The following CCND2 variants were observed in gnomAD, a reference collection of about 807,000 sequenced individuals.
The protein encoded by CCND2 is G1/S-specific cyclin-D2.
Under a neutral mutation model 30.2 loss-of-function variants are expected in CCND2, and 6 were observed. The observed-to-expected ratio is 0.20, with a 90% CI of 0.11 to 0.39. The LOEUF (loss-of-function observed/expected upper bound fraction) is 0.39, where lower values mean the gene tolerates loss of function less well. CCND2 is among the 10% of genes least tolerant of loss of function. CCND2 has a pLI of 1.00. For synonymous variants in CCND2, 150 were observed against 153.1 expected (o/e 0.98, Z 0.15); for missense variants, 235 against 373.4 (o/e 0.63, Z 3.06).
At position 4,296,145 on chromosome 12, in the gene CCND2, T is replaced by A. The variant is rs757004837; in HGVS notation, c.721-3715T>A. ...ACGCGCATGGCCTGAAACCGAGTTCTTTCGCTTTCTGGAGCCTGGTCTCCC... is the reference window on the plus strand; with the variant it reads ...ACGCGCATGGCCTGAAACCGAGTTCATTCGCTTTCTGGAGCCTGGTCTCCC... On this transcript the variant is annotated intron_variant, in intron 4 of 4. Transcript: ENST00000261254. Among the ~76,000 whole-genome samples the A allele has an allele frequency of 5.7e-4, 87 of 152,256 alleles. 1 individual carries two copies. Among genetic ancestry groups the A allele is most frequent in the Non-Finnish European group, 1.5e-4 (10 of 68,042 alleles).
At chr12:4,292,421 T>C (rs1052087429) in intron 4 of CCND2, among the ~76,000 whole-genome samples, 1 of 152,124 alleles carries the variant, frequency 6.6e-6, no homozygotes, top group South Asian at 2.1e-4. Context: ...TGCAATGCTC[T>C]CTGTTACTTT....
rs2120550189 is a variant in CCND2 at position 4,285,094 on chromosome 12, C to T, written c.572-3748C>T. Among the ~76,000 whole-genome samples the T allele has an allele frequency of 6.6e-6, 1 of 152,296 alleles. No individual in the cohort carries two copies. The highest frequency in any genetic ancestry group is 1.9e-4 in the East Asian group (1 of 5,186). ...GAAGTTATCCATATAGTAGTACAGA[C>T]CTAGCCATTATAGCACACCATCCTC... On this transcript the variant is annotated intron_variant, in intron 3 of 4. Transcript: ENST00000261254. This position sits in a 1 kb window ranked among gnomAD's most constrained non-coding sequence, Gnocchi z 4.1.
chr12:4,280,699 C>T (rs552662558), intron 3 of CCND2, among the ~76,000 whole-genome samples: 3 of 152,220 alleles, frequency 2.0e-5, no homozygotes, highest in African/African-American at 7.2e-5. Context: ...GGGGAGGGGT[C>T]AGCCAGTTCT....
chr12:4,277,746 A>G (rs1863893584), intron 2 of CCND2, among the ~76,000 whole-genome samples: 1 of 152,240 alleles, frequency 6.6e-6, no homozygotes. Flanking sequence ...TTGCTGGTTT[A>G]GCAAATGAAA....
Position 4,274,096 on chromosome 12 carries a change from A to G in CCND2, c.56A>G (p.Asn19Ser). The change falls in exon 1 of 5, where the codon AAC (asparagine) becomes AGC (serine). Residue 19 changes from asparagine to serine, a missense_variant. Physicochemically the swap from Asn to Ser is conservative, Grantham distance 46. This residue lies in a region of CCND2 where 178 missense variants were observed against 322.8 expected (regional missense o/e 0.55). Coordinates refer to ENST00000261254, the MANE Select transcript of CCND2 (RefSeq NM_001759.4). This position sits in a 1 kb window ranked among gnomAD's most constrained non-coding sequence, Gnocchi z 7.7. ...DPVRRAVRDR[N>S]LLRDDRVLQN... Reference sequence around the variant, plus strand: ...GTCCGCAGGGCCGTGCGGGACCGCAACCTGCTCCGAGACGACCGCGTCCTG... The same window carrying G: ...GTCCGCAGGGCCGTGCGGGACCGCAGCCTGCTCCGAGACGACCGCGTCCTG... 6 of 1,613,862 alleles carry G rather than the reference A, an allele frequency of 3.7e-6. No homozygotes were observed. Among genetic ancestry groups the G allele is most frequent in the Non-Finnish European group, 5.1e-6 (6 of 1,179,936 alleles).
intron 3 of CCND2, among the ~76,000 whole-genome samples, chr12:4,288,585 G>A (rs1012958188): frequency 2.0e-5 from 3 of 152,146 alleles, no homozygotes; most frequent in African/African-American, 2.4e-5. Flanking sequence ...AATCCTCTGT[G>A]CATTCATTGT....
chr12:4,274,437 G>A lies in CCND2; in HGVS notation c.195+202G>A, dbSNP rs559050863. On this transcript the variant is annotated intron_variant, in intron 1 of 4. Coordinates refer to ENST00000261254, the MANE Select transcript of CCND2 (RefSeq NM_001759.4). This position sits in a 1 kb window ranked among gnomAD's most constrained non-coding sequence, Gnocchi z 7.7. ...TAAACTGGGGAGGCAGAGGGGGGAG[G>A]AAAATCTGGGAGAAGCGAGGCTGTC... is the stretch of plus-strand genomic sequence containing the variant. Among the ~76,000 whole-genome samples, 261 of 152,306 alleles carry A rather than the reference G, an allele frequency of 1.7e-3. 2 individuals are homozygous for A. The highest frequency in any genetic ancestry group is 3.0e-3 in the Non-Finnish European group (203 of 68,016).
rs574393909 is a variant in CCND2 at position 4,303,457 on chromosome 12, C to G, written c.*3448C>G. 14 of 233,582 alleles carry G rather than the reference C, an allele frequency of 6.0e-5. No individual in the cohort carries two copies. In the South Asian group the frequency reaches 2.4e-3, roughly 39 times the overall value. The allele number at this position is 233,582 out of a possible 1,614,324, so 14.5% of individuals were successfully genotyped here. On this transcript the variant is annotated 3_prime_UTR_variant, in exon 5 of 5. Coordinates refer to ENST00000261254, the MANE Select transcript of CCND2 (RefSeq NM_001759.4). The surrounding 1 kb of genome is among the most constrained non-coding windows in gnomAD (Gnocchi z 4.6). ...TTTCTTACCTCCCACTAAAGGGGTTCCAAATTATCCTGGTCTTTTTCTACC... is the reference window on the plus strand; with the variant it reads ...TTTCTTACCTCCCACTAAAGGGGTTGCAAATTATCCTGGTCTTTTTCTACC...
intron 3 of CCND2, among the ~76,000 whole-genome samples, chr12:4,288,511 C>G (rs1199020445): frequency 1.3e-5 from 2 of 152,142 alleles, no homozygotes; most frequent in Non-Finnish European, 2.9e-5. Flanking sequence ...CTCCCCCCAC[C>G]AGGGTCAAGA....
chr12:4,277,188 C>A (rs1863886385), intron 2 of CCND2, among the ~76,000 whole-genome samples: 1 of 152,202 alleles, frequency 6.6e-6, no homozygotes, highest in Non-Finnish European at 1.5e-5. Context: ...TGAATGACTT[C>A]ACCTTTGAAC....
At chr12:4,283,705 T>A (rs2120546335) in intron 3 of CCND2, among the ~76,000 whole-genome samples, 1 of 152,368 alleles carries the variant, frequency 6.6e-6, no homozygotes, top group Middle Eastern at 3.4e-3. Flanking sequence ...GTGTGTCCTT[T>A]GCCTCCACCA....
chr12:4,279,006 A>G, intron 3 of CCND2, 87 bp downstream of exon 3: 1 of 1,374,892 alleles, frequency 7.3e-7, no homozygotes, highest in Non-Finnish European at 9.9e-7. Flanking sequence ...AGGAACTTTC[A>G]TTTTAGTTCA....
chr12:4,289,182 AC>A (rs1385275402), intron 4 of CCND2, 192 bp downstream of exon 4: 1 of 180,876 alleles, frequency 5.5e-6, no homozygotes. Context: ...ACGGGAAAAT[AC>A]GGAAGAAAAC....
chr12:4,283,733 C>T (rs375621134), intron 3 of CCND2, among the ~76,000 whole-genome samples: 2 of 152,172 alleles, frequency 1.3e-5, no homozygotes, highest in East Asian at 1.9e-4. Context: ...AGGAGGGAGG[C>T]GGGAATGTCG....
chr12:4,273,914 A>G lies in CCND2; in HGVS notation c.-127A>G, dbSNP rs1399574503. On this transcript the variant is annotated 5_prime_UTR_variant, in exon 1 of 5. Coordinates refer to ENST00000261254, the MANE Select transcript of CCND2 (RefSeq NM_001759.4). This position sits in a 1 kb window ranked among gnomAD's most constrained non-coding sequence, Gnocchi z 5.9. ...TCTCTGCCCTCACCTCTCCCCCGAA[A>G]ACCCCCTATTTAGCCAAAGGAAGGA... 4 of 884,142 alleles carry G rather than the reference A, an allele frequency of 4.5e-6. No individual in the cohort carries two copies. The highest frequency in any genetic ancestry group is 6.8e-6 in the Non-Finnish European group (4 of 591,412). 54.8% of individuals were successfully genotyped at this position (884,142 alleles called of 1,614,324 possible).
intron 4 of CCND2, among the ~76,000 whole-genome samples, chr12:4,296,386 C>T (rs1229357052): frequency 6.6e-6 from 1 of 152,280 alleles, no homozygotes; most frequent in Non-Finnish European, 1.5e-5. Flanking sequence ...GGAACTGCGA[C>T]TTGGAAAGTA....
chr12:4,288,732 A>G (rs1591648075), intron 3 of CCND2, 110 bp from the exon 4 acceptor site: 4 of 1,018,234 alleles, frequency 3.9e-6, no homozygotes, highest in Non-Finnish European at 5.8e-6. Context: ...GCACGGGGTC[A>G]CTCGCGCCGC....
rs770090792 is a variant in CCND2, at chr12:4,278,729, TCTC to T, written c.412-27_412-25del. The T allele has an allele frequency of 1.2e-5, 19 of 1,609,504 alleles. No homozygotes were observed. In the Admixed American group the frequency reaches 3.0e-4, roughly 25 times the overall value. On this transcript the variant is annotated intron_variant, in intron 2 of 4. Transcript: ENST00000261254. Reference sequence around the variant, plus strand: ...CCAGGTCAGCCTGTGGAATTTAGATTCTCCTCTTCTCTTCCTGCCTTCCCCTCC... The same window carrying T: ...CCAGGTCAGCCTGTGGAATTTAGATTCTCTTCTCTTCCTGCCTTCCCCTCC...
intron 2 of CCND2, among the ~76,000 whole-genome samples, chr12:4,277,209 T>A (rs952554438): frequency 1.3e-5 from 2 of 152,194 alleles, no homozygotes; most frequent in East Asian, 3.9e-4. Context: ...CGCTGCCAGG[T>A]TTTAGCTGCT....
Sources: gnomAD v4.1 joint callset for allele counts (sites outside exome capture counted in the v4.1 genomes callset) on GRCh38, gnomAD v4.1.1 for gene constraint, gnomAD v4.1.1 regional missense constraint, Gnocchi (gnomAD v3.1) non-coding constraint, MANE v1.5 for transcripts, NCBI Gene and HGNC (gene_info 2026-07-23, HGNC 2026-07-21) for gene names.